Variants in SORL1 observed in about 807,000 individuals in gnomAD.
The protein encoded by SORL1 is sortilin-related receptor.
A neutral mutation model predicts 273.7 loss-of-function variants in SORL1; 127 were observed. The observed-to-expected ratio is 0.46, with a 90% CI of 0.40 to 0.54. The LOEUF is 0.54. Ranked by LOEUF, SORL1 falls within the 20% of genes least tolerant of loss-of-function variation. The pLI is 0.00. For synonymous variants in SORL1, 1,031 were observed against 1,067.4 expected (o/e 0.97, Z 0.66); for missense variants, 2,494 against 2,846.1 (o/e 0.88, Z 2.81).
Position 121,523,296 on chromosome 11 carries a change from A to C in SORL1, c.1596+307A>C, listed in dbSNP as rs1591311088. 2.0e-5 allele frequency among the ~76,000 whole-genome samples: 3 copies of C among 152,294 alleles called. No homozygotes were observed. The East Asian group carries it at 5.8e-4, about 29-fold the overall frequency. On this transcript the variant is annotated intron_variant, in intron 11 of 47. Coordinates refer to ENST00000260197, the MANE Select transcript of SORL1 (RefSeq NM_003105.6). ...TCCTTAGGACCTAAGAGTGCCTGGC[A>C]TGGAGTGGGGGCTCAGGGCATATAT...
chr11:121,559,480 C>G (rs186873977), intron 20 of SORL1, 39 bp from the exon 21 acceptor site: 1 of 1,594,306 alleles, frequency 6.3e-7, no homozygotes, highest in Non-Finnish European at 8.5e-7. Context: ...GAATAAAGAA[C>G]GAAAGAGCTG....
intron 16 of SORL1, among the ~76,000 whole-genome samples, chr11:121,552,872 C>G (rs1229389213): frequency 6.6e-6 from 1 of 152,218 alleles, no homozygotes; most frequent in Non-Finnish European, 1.5e-5. Context: ...ATATGCAACA[C>G]ACTGTCAAGA....
intron 24 of SORL1, 36 bp from the exon 25 acceptor site, chr11:121,577,245 T>G (rs1197815120): frequency 6.4e-7 from 1 of 1,550,600 alleles, no homozygotes; most frequent in South Asian, 1.2e-5. Context: ...GAACAAGCTT[T>G]TGTCCTCACC....
chr11:121,452,427 G>A lies in SORL1; in HGVS notation c.96G>A (p.Thr32=). 6.6e-7 allele frequency: 1 copy of A among 1,511,236 alleles called. No homozygotes were observed. Among genetic ancestry groups the A allele is most frequent in the South Asian group, 1.3e-5 (1 of 79,642 alleles). 93.6% of individuals were successfully genotyped at this position (1,511,236 alleles called of 1,614,324 possible). A position where few individuals can be genotyped will look rare whatever the true frequency, so the allele number is the denominator to read the frequency against. ...LPPGALCEVW[T]QRLHGGSAPL... Reference sequence around the variant, plus strand: ...CCGGAGCTCTCTGCGAAGTCTGGACGCAGAGGCTGCACGGCGGCAGCGCGC... The same window carrying A: ...CCGGAGCTCTCTGCGAAGTCTGGACACAGAGGCTGCACGGCGGCAGCGCGC... Residue 32 remains threonine, a synonymous_variant, in exon 1 of 48, where the codon ACG becomes ACA. Transcript: ENST00000260197. The surrounding 1 kb of genome is among the most constrained non-coding windows in gnomAD (Gnocchi z 5.3).
At chr11:121,518,128 G>GT (rs1861981807) in intron 8 of SORL1, among the ~76,000 whole-genome samples, 1 of 152,192 alleles carries the variant, frequency 6.6e-6, no homozygotes, top group South Asian at 2.1e-4. Context: ...TGTCAGCCCC[G>GT]TGGGTCACCT....
chr11:121,586,363 G>A (rs755125510), intron 27 of SORL1, 34 bp downstream of exon 27: 1 of 1,484,620 alleles, frequency 6.7e-7, no homozygotes, highest in South Asian at 1.1e-5. Flanking sequence ...GAAGCACTCA[G>A]GCCTAGTGAT....
chr11:121,582,316 T>C lies in SORL1; in HGVS notation c.3581-1142T>C, dbSNP rs549868555. 5.3e-5 allele frequency among the ~76,000 whole-genome samples: 8 copies of C among 152,346 alleles called. No homozygotes were observed. The East Asian group carries it at 1.5e-3, about 29-fold the overall frequency. ...GTCTCAGTTGAATAGAAAACTATAG[T>C]TTGCTCTCAGCAACCCACTTCTGTG... is the stretch of plus-strand genomic sequence containing the variant. On this transcript the variant is annotated intron_variant, in intron 25 of 47. Coordinates refer to ENST00000260197, the MANE Select transcript of SORL1 (RefSeq NM_003105.6).
At chr11:121,513,325 C>G (rs975222846) in intron 7 of SORL1, among the ~76,000 whole-genome samples, 1 of 152,194 alleles carries the variant, frequency 6.6e-6, no homozygotes, top group Non-Finnish European at 1.5e-5. Flanking sequence ...TTAAGTGGAG[C>G]AGCACTGGCA....
At chr11:121,480,956 C>T (rs1379323659) in intron 3 of SORL1, among the ~76,000 whole-genome samples, 5 of 123,546 alleles carry the variant, frequency 4.0e-5, no homozygotes, top group African/African-American at 1.3e-4. Flanking sequence ...TGCACAGATA[C>T]CTATAGGCAA....
intron 1 of SORL1, among the ~76,000 whole-genome samples, chr11:121,459,812 T>A (rs1379474635): frequency 1.3e-5 from 2 of 152,190 alleles, no homozygotes; most frequent in Admixed American, 1.3e-4. Context: ...CTGTCTTTCT[T>A]CCCTTCAACC....
chr11:121,598,968 C>T (rs183615739), intron 32 of SORL1, among the ~76,000 whole-genome samples: 6 of 152,184 alleles, frequency 3.9e-5, no homozygotes, highest in African/African-American at 1.4e-4. Flanking sequence ...TTTCAAGAAA[C>T]ACCCTTTGAG....
At chr11:121,575,490 T>G (rs1862914596) in intron 24 of SORL1, among the ~76,000 whole-genome samples, 1 of 152,276 alleles carries the variant, frequency 6.6e-6, no homozygotes, top group African/African-American at 2.4e-5. Context: ...CACGCTGTGC[T>G]TACGCACATG....
chr11:121,599,565 T>G (rs1248242058), intron 32 of SORL1, among the ~76,000 whole-genome samples: 1 of 152,032 alleles, frequency 6.6e-6, no homozygotes, highest in Non-Finnish European at 1.5e-5. Flanking sequence ...ATAAACCAAA[T>G]AAATTCAGAT....
intron 11 of SORL1, among the ~76,000 whole-genome samples, chr11:121,526,099 G>A (rs1470949111): frequency 6.6e-6 from 1 of 152,110 alleles, no homozygotes; most frequent in African/African-American, 2.4e-5. Flanking sequence ...AGTTGTAGGA[G>A]TTTTTTTAAA....
chr11:121,514,234 C>G lies in SORL1; in HGVS notation c.1124C>G (p.Ser375Ter). ...AACAACCGCACCAATTTATACATCTCAGAGGCAGAGGGGCTGAAGTTCTCC... is the reference window on the plus strand; with the variant it reads ...AACAACCGCACCAATTTATACATCTGAGAGGCAGAGGGGCTGAAGTTCTCC... ...HSNNRTNLYISEAEGLKFSLS... is the reference protein window; with the variant it reads ...HSNNRTNLYI Residue 375 changes from serine (S) to a stop codon, truncating the protein, a stop_gained, in exon 8 of 48, where the codon TCA becomes TGA. Coordinates refer to ENST00000260197, the MANE Select transcript of SORL1 (RefSeq NM_003105.6). LOFTEE classifies it high-confidence loss of function. 1 of 1,614,218 alleles carries G rather than the reference C, an allele frequency of 6.2e-7. No homozygotes were observed. Among genetic ancestry groups the G allele is most frequent in the Non-Finnish European group, 8.5e-7 (1 of 1,180,042 alleles).
At chr11:121,474,131 G>C (rs1158865660) in intron 2 of SORL1, among the ~76,000 whole-genome samples, 5 of 152,172 alleles carry the variant, frequency 3.3e-5, no homozygotes, top group African/African-American at 9.7e-5. Flanking sequence ...ATCTGACCTT[G>C]GGCCAGGTGA....
chr11:121,526,618 CA>C (rs1384602408), intron 11 of SORL1, among the ~76,000 whole-genome samples: 1 of 152,034 alleles, frequency 6.6e-6, no homozygotes, highest in Non-Finnish European at 1.5e-5. Flanking sequence ...ATTTCTTGTT[CA>C]ATTTCTCTCA....
intron 3 of SORL1, among the ~76,000 whole-genome samples, chr11:121,482,170 T>A (rs1565309699): frequency 6.6e-6 from 1 of 152,152 alleles, no homozygotes; most frequent in South Asian, 2.1e-4. Context: ...GGCAGAGGAC[T>A]GGGGCTTTGG....
rs768965749 is a variant in SORL1, at chr11:121,553,956, G to C, written c.2286G>C (p.Leu762=). 1 of 1,613,892 alleles carries C rather than the reference G, an allele frequency of 6.2e-7. No individual in the cohort carries two copies. Among genetic ancestry groups the C allele is most frequent in the Non-Finnish European group, 8.5e-7 (1 of 1,179,916 alleles). ...CPLAEENEFI[L]YAVRKSIYRY... is the part of the protein sequence containing the mutation. ...TGGCAGAAGAGAACGAGTTCATTCTGTATGCTGTGAGGAAATCCATCTACC... is the reference window on the plus strand; with the variant it reads ...TGGCAGAAGAGAACGAGTTCATTCTCTATGCTGTGAGGAAATCCATCTACC... Residue 762 remains leucine, a synonymous_variant, in exon 17 of 48, where the codon CTG becomes CTC. Transcript: ENST00000260197.
Sources: allele counts gnomAD v4.1 joint callset (sites outside exome capture counted in the v4.1 genomes callset), GRCh38; gene constraint gnomAD v4.1.1; non-coding constraint Gnocchi (gnomAD v3.1); transcripts MANE v1.5; gene names NCBI Gene and HGNC (gene_info 2026-07-23, HGNC 2026-07-21).